ARHGAP23: variants seen among roughly 807,000 people sequenced by gnomAD.
ARHGAP23 encodes the protein Rho GTPase activating protein 23.
ARHGAP23 carries 34 observed loss-of-function variants against 136.3 expected under a neutral mutation model. That is an observed-to-expected ratio of 0.25 (90% confidence interval 0.19 to 0.33). The LOEUF (loss-of-function observed/expected upper bound fraction) is 0.33. Ranked by LOEUF, ARHGAP23 falls within the 10% of genes least tolerant of loss-of-function variation. The pLI is 1.00. For missense variants in ARHGAP23, 1,808 were observed against 2,139.0 expected (o/e 0.85, Z 3.05); for synonymous variants, 832 against 920.5 (o/e 0.90, Z 1.74).
At chr17:38,466,032 T>A in intron 6 of ARHGAP23, 135 bp from the exon 7 acceptor site, 29 of 467,368 alleles carry the variant, frequency 6.2e-5, no homozygotes, top group Middle Eastern at 4.1e-4. Context: ...CACTTATGCC[T>A]CTCCCTCGTT....
Position 38,510,775 on chromosome 17 carries a change from G to A in ARHGAP23, c.4279G>A (p.Gly1427Arg). 6.7e-7 allele frequency: 1 copy of A among 1,499,086 alleles called. No homozygotes were observed. The highest frequency in any genetic ancestry group is 8.9e-7 in the Non-Finnish European group (1 of 1,126,258). The allele number at this position is 1,499,086 out of a possible 1,614,324, so 92.9% of individuals were successfully genotyped here. A position where few individuals can be genotyped will look rare whatever the true frequency, so the allele number is the denominator to read the frequency against. Residue 1427 changes from glycine (G) to arginine (R), a missense_variant, in exon 24 of 24, where the codon GGA (glycine) becomes AGA (arginine). Coordinates refer to ENST00000622683, the MANE Select transcript of ARHGAP23 (RefSeq NM_001199417.2). The surrounding 1 kb of genome is among the most constrained non-coding windows in gnomAD (Gnocchi z 4.6). ...CTTCAACGAGTGGAAGGAGCTGGGC[G>A]GAGGGGGCCCCCCGGAGCCTGCGGG... The part of the protein sequence containing the change: ...LNFNEWKELG[G>R]GGPPEPAGAR...
chr17:38,462,664 C>T (rs2039489766), intron 3 of ARHGAP23, among the ~76,000 whole-genome samples, 182 bp from the exon 4 acceptor site: 1 of 152,204 alleles, frequency 6.6e-6, no homozygotes, highest in African/African-American at 2.4e-5. Context: ...AGGTCTGTGT[C>T]CTCCTGTTGG....
At chr17:38,494,123 G>A (rs1282076379) in intron 20 of ARHGAP23, among the ~76,000 whole-genome samples, 2 of 152,174 alleles carry the variant, frequency 1.3e-5, no homozygotes, top group Non-Finnish European at 2.9e-5. Flanking sequence ...TCCAGACATT[G>A]CCAAGTGCCC....
intron 1 of ARHGAP23, among the ~76,000 whole-genome samples, chr17:38,435,492 T>C (rs543660709): frequency 1.6e-4 from 24 of 152,312 alleles, no homozygotes; most frequent in Non-Finnish European, 2.8e-4. Context: ...AGGGGAGCCT[T>C]TGGCAGCCCA....
At chr17:38,507,662 G>T (rs1255707780) in intron 23 of ARHGAP23, among the ~76,000 whole-genome samples, 2 of 152,206 alleles carry the variant, frequency 1.3e-5, no homozygotes, top group Non-Finnish European at 2.9e-5. Flanking sequence ...CACTGGCCAG[G>T]AAAGAAAGCA....
At position 38,510,142 on chromosome 17, in the gene ARHGAP23, C is replaced by G; in HGVS notation, c.3646C>G (p.Pro1216Ala). The change falls in exon 24 of 24, where the codon CCG (proline) becomes GCG (alanine). Residue 1216 changes from proline to alanine, a missense_variant. Pro to Ala is a conservative substitution (Grantham distance 27). Transcript: ENST00000622683. The surrounding 1 kb of genome is among the most constrained non-coding windows in gnomAD (Gnocchi z 4.6). ...GGGGACTCAGGAGCGGCCGCAGGGG[C>G]CGCTGCCTGGCGCCGTCGCCCCCGA... The part of the protein sequence containing the change: ...APGTQERPQG[P>A]LPGAVAPEAP... The G allele has an allele frequency of 7.9e-7, 1 of 1,273,712 alleles. No homozygotes were observed. The highest frequency in any genetic ancestry group is 9.8e-7 in the Non-Finnish European group (1 of 1,017,014). The allele number at this position is 1,273,712 out of a possible 1,614,324, so 78.9% of individuals were successfully genotyped here.
chr17:38,498,015 T>G (rs559486821), intron 21 of ARHGAP23, among the ~76,000 whole-genome samples, 189 bp downstream of exon 21: 1 of 152,228 alleles, frequency 6.6e-6, no homozygotes, highest in South Asian at 2.1e-4. Context: ...GCACAAAGCT[T>G]GCCTTCAGGA....
chr17:38,473,103 A>ATTTTTTTTT (rs59594005), intron 11 of ARHGAP23, among the ~76,000 whole-genome samples: 1 of 129,938 alleles, frequency 7.7e-6, no homozygotes, highest in Non-Finnish European at 1.6e-5. Context: ...AACCCGGCTA[A>ATTTTTTTTT]TTTTTTTTTT....
chr17:38,420,557 G>A (rs1385504685), intron 1 of ARHGAP23, among the ~76,000 whole-genome samples: 1 of 152,178 alleles, frequency 6.6e-6, no homozygotes, highest in African/African-American at 2.4e-5. Context: ...GTGGTGAGGA[G>A]AGGGGTGAGG....
intron 11 of ARHGAP23, among the ~76,000 whole-genome samples, chr17:38,473,254 C>T (rs1046169335): frequency 9.2e-5 from 14 of 151,872 alleles, no homozygotes; most frequent in South Asian, 2.1e-4. Flanking sequence ...GTGCCCAGCC[C>T]GCTTACTGCT....
chr17:38,507,690 C>A (rs1279490425), intron 23 of ARHGAP23, among the ~76,000 whole-genome samples: 3 of 152,212 alleles, frequency 2.0e-5, no homozygotes. Flanking sequence ...CCACCATATG[C>A]TCCAGGCTGA....
In ARHGAP23 at chr17:38,467,194, C is replaced by A; in HGVS notation, c.1511C>A (p.Thr504Asn). 1 of 1,550,700 alleles carries A rather than the reference C, an allele frequency of 6.4e-7. No homozygotes were observed. Among genetic ancestry groups the A allele is most frequent in the Non-Finnish European group, 8.7e-7 (1 of 1,146,698 alleles). The stretch of plus-strand genomic sequence containing the variant: ...CCGACGGGCCGCAAGGTTCAGCTGA[C>A]CCCCGCAAGACAGATGAACCTTGGA... ...KPPTGRKVQL[T>N]PARQMNLGFG... is the part of the protein sequence containing the mutation. The change falls in exon 7 of 24, where the codon ACC becomes AAC. Residue 504 changes from threonine to asparagine, a missense_variant. Coordinates refer to ENST00000622683, the MANE Select transcript of ARHGAP23 (RefSeq NM_001199417.2).
In ARHGAP23 at chr17:38,433,913, G is replaced by A. The variant is rs201055936; in HGVS notation, c.63+5365G>A. ...GTCCTGAGGTTGGCCCCGGGGTTGC[G>A]TCATCATCCTCGTGCCTCAGTCTCC... On this transcript the variant is annotated intron_variant, in intron 1 of 23. Coordinates refer to ENST00000622683, the MANE Select transcript of ARHGAP23 (RefSeq NM_001199417.2). Among the ~76,000 whole-genome samples, 7 of 152,272 alleles carry A rather than the reference G, an allele frequency of 4.6e-5. No individual in the cohort carries two copies. The East Asian group carries it at 5.8e-4, about 13-fold the overall frequency.
chr17:38,443,292 G>T (rs941724903), intron 1 of ARHGAP23, among the ~76,000 whole-genome samples: 1 of 152,208 alleles, frequency 6.6e-6, no homozygotes, highest in Non-Finnish European at 1.5e-5. Context: ...TGGGTGCTGG[G>T]TGCTACCTTC....
Position 38,477,653 on chromosome 17 carries a change from G to T in ARHGAP23, c.2193G>T (p.Lys731Asn). ...ALRARSLSLS[K>N]ERREPGPAAA... ...GGGCGCGCTCGCTCTCGCTGAGCAA[G>T]GAGCGGCGGGAGCCCGGGCCGGCGG... The change falls in exon 12 of 24, where the codon AAG (lysine) becomes AAT (asparagine). Residue 731 changes from lysine to asparagine, a missense_variant. By Grantham distance (94) the Lys-to-Asn change is moderately conservative. Coordinates refer to ENST00000622683, the MANE Select transcript of ARHGAP23 (RefSeq NM_001199417.2). The surrounding 1 kb of genome is among the most constrained non-coding windows in gnomAD (Gnocchi z 6.6). 1 of 1,258,054 alleles carries T rather than the reference G, an allele frequency of 7.9e-7. No homozygotes were observed. Among genetic ancestry groups the T allele is most frequent in the Non-Finnish European group, 1.0e-6 (1 of 998,270 alleles). 77.9% of individuals were successfully genotyped at this position (1,258,054 alleles called of 1,614,324 possible). A position where few individuals can be genotyped will look rare whatever the true frequency, so the allele number is the denominator to read the frequency against.
At chr17:38,455,393 G>A (rs2039298764) in intron 1 of ARHGAP23, among the ~76,000 whole-genome samples, 1 of 152,194 alleles carries the variant, frequency 6.6e-6, no homozygotes, top group Non-Finnish European at 1.5e-5. Flanking sequence ...CAGAGGAAAG[G>A]GAGAGGTAGA....
At chr17:38,434,084 C>T (rs988757335) in intron 1 of ARHGAP23, among the ~76,000 whole-genome samples, 9 of 152,052 alleles carry the variant, frequency 5.9e-5, no homozygotes, top group African/African-American at 1.9e-4. Context: ...CTTGGCCTCC[C>T]GAAGTGCTGG....
At position 38,438,297 on chromosome 17, in the gene ARHGAP23, TG is replaced by T. The variant is rs1029544628; in HGVS notation, c.63+9751del. On this transcript the variant is annotated intron_variant, in intron 1 of 23. Coordinates refer to ENST00000622683, the MANE Select transcript of ARHGAP23 (RefSeq NM_001199417.2). ...GATCATGCCACTGCACACTCCAGCCTGGTGACAGAGTGAGACTCCGTCTCAA... is the reference window on the plus strand; with the variant it reads ...GATCATGCCACTGCACACTCCAGCCTGTGACAGAGTGAGACTCCGTCTCAA... 7.0e-5 allele frequency among the ~76,000 whole-genome samples: 9 copies of T among 129,064 alleles called. No individual in the cohort carries two copies. The Middle Eastern group carries it at 0.021, about 302-fold the overall frequency. 84.7% of individuals were successfully genotyped at this position (129,064 alleles called of 152,430 possible).
Position 38,469,850 on chromosome 17 carries a change from C to T in ARHGAP23, c.1920C>T (p.Arg640=). ...ACCCTCGACCCTCGCTTTCCAGGCG[C>T]CTGCCAAACCGCATACCCAGCCTGC... is the stretch of plus-strand genomic sequence containing the variant. ...TFRDEGRVLR[R]LPNRIPSLRM... is the part of the protein sequence containing the mutation. The change falls in exon 10 of 24, where the codon CGC becomes CGT. Residue 640 remains arginine, a synonymous_variant. Transcript: ENST00000622683. The T allele has an allele frequency of 6.4e-7, 1 of 1,551,716 alleles. No individual in the cohort carries two copies. The highest frequency in any genetic ancestry group is 8.7e-7 in the Non-Finnish European group (1 of 1,146,990).
Sources: allele counts gnomAD v4.1 joint callset (sites outside exome capture counted in the v4.1 genomes callset), GRCh38; gene constraint gnomAD v4.1.1; non-coding constraint Gnocchi (gnomAD v3.1); transcripts MANE v1.5; gene names NCBI Gene and HGNC (gene_info 2026-07-23, HGNC 2026-07-21).